The following SUCLG2 variants were observed in gnomAD, a reference collection of about 807,000 sequenced individuals.
The protein encoded by SUCLG2 is succinate--CoA ligase [GDP-forming] subunit beta, mitochondrial.
A neutral mutation model predicts 47.9 loss-of-function variants in SUCLG2; 42 were observed. The observed-to-expected ratio is 0.88, with a 90% confidence interval of 0.69 to 1.14. The LOEUF (loss-of-function observed/expected upper bound fraction) is 1.14. Among genes scored for constraint, SUCLG2 ranks in the 50% most tolerant of loss-of-function variants. The pLI, the probability that SUCLG2 is intolerant of heterozygous loss-of-function variation, is 0.00. For synonymous variants in SUCLG2, 195 were observed against 197.3 expected (o/e 0.99, Z 0.10); for missense variants, 571 against 525.9 (o/e 1.09, Z -0.84).
At chr3:67,396,082 A>C (rs1311650322) in intron 10 of SUCLG2, among the ~76,000 whole-genome samples, 1 of 152,130 alleles carries the variant, frequency 6.6e-6, no homozygotes, top group Non-Finnish European at 1.5e-5. Context: ...AAGATCCAAA[A>C]TTGACACCCT....
rs534786234 is a variant in SUCLG2, at chr3:67,605,520, G to A, written c.226+3935C>T. On this transcript the variant is annotated intron_variant, in intron 2 of 10. Coordinates refer to ENST00000307227, the MANE Select transcript of SUCLG2 (RefSeq NM_003848.4). ...TCTACCAAAACTACTCACTGAGTTC[G>A]GGAAGGATTACTCATTCATTCACCA... Among the ~76,000 whole-genome samples the A allele has an allele frequency of 4.6e-5, 7 of 152,168 alleles. No homozygotes were observed. In the East Asian group the frequency reaches 1.2e-3, roughly 25 times the overall value.
In SUCLG2 at chr3:67,620,520, G is replaced by T. The variant is rs192421247; in HGVS notation, c.85-10924C>A. Among the ~76,000 whole-genome samples, 312 of 146,484 alleles carry T rather than the reference G, an allele frequency of 2.1e-3. 7 individuals carry two copies. The highest frequency in any genetic ancestry group is 0.018 in the Admixed American group (257 of 14,598). ...GAACAGCTTGAACGCAGGAGGCAGA[G>T]GTTGCAGTGAAACGAGAATGCACCA... On this transcript the variant is annotated intron_variant, in intron 1 of 10. Transcript: ENST00000307227.
chr3:67,384,123 T>A (rs996419975), intron 10 of SUCLG2, among the ~76,000 whole-genome samples: 1 of 152,208 alleles, frequency 6.6e-6, no homozygotes, highest in African/African-American at 2.4e-5. Flanking sequence ...TGTCACTCAG[T>A]GTGATTCTGT....
At chr3:67,559,801 T>C (rs1326974993) in intron 2 of SUCLG2, among the ~76,000 whole-genome samples, 1 of 152,028 alleles carries the variant, frequency 6.6e-6, no homozygotes, top group Non-Finnish European at 1.5e-5. Flanking sequence ...TAAGGACAAA[T>C]ATATATAATT....
chr3:67,607,729 G>A (rs143815672), intron 2 of SUCLG2, among the ~76,000 whole-genome samples: 1 of 152,148 alleles, frequency 6.6e-6, no homozygotes, highest in Non-Finnish European at 1.5e-5. Context: ...TGGGGCCAGG[G>A]GGAGATAACT....
At chr3:67,573,960 C>T (rs938257821) in intron 2 of SUCLG2, among the ~76,000 whole-genome samples, 1 of 152,138 alleles carries the variant, frequency 6.6e-6, no homozygotes, top group African/African-American at 2.4e-5. Context: ...TGTGTCATTG[C>T]TCATTCAGGT....
chr3:67,588,227 T>C (rs1708074566), intron 2 of SUCLG2, among the ~76,000 whole-genome samples: 1 of 152,218 alleles, frequency 6.6e-6, no homozygotes, highest in South Asian at 2.1e-4. Context: ...AAATAAGAAC[T>C]AAAATTGGTC....
rs921094667 is a variant in SUCLG2 at position 67,529,286 on chromosome 3, T to C, written c.227-100A>G. ...TAATGGCACATAACTTCCAAGTAAC[T>C]GGTAAAAGCTCTCTCAAACTAACTT... On this transcript the variant is annotated intron_variant, in intron 2 of 10. Coordinates refer to ENST00000307227, the MANE Select transcript of SUCLG2 (RefSeq NM_003848.4). 3.6e-6 allele frequency: 3 copies of C among 823,026 alleles called. No individual in the cohort carries two copies. In the African/African-American group the frequency reaches 5.2e-5, roughly 14 times the overall value. The allele number at this position is 823,026 out of a possible 1,614,324, so 51.0% of individuals were successfully genotyped here.
At chr3:67,600,922 G>T (rs941550186) in intron 2 of SUCLG2, among the ~76,000 whole-genome samples, 2 of 152,158 alleles carry the variant, frequency 1.3e-5, no homozygotes, top group African/African-American at 4.8e-5. Context: ...ACTTCTTCTT[G>T]CACCAGGCTA....
chr3:67,607,042 G>A lies in SUCLG2; in HGVS notation c.226+2413C>T, dbSNP rs147681422. On this transcript the variant is annotated intron_variant, in intron 2 of 10. Transcript: ENST00000307227. ...ATAGAAAATTAGAATATTGAAATAT[G>A]GAGAGTGCTTCTATCCTAAACTCTC... 6.3e-3 allele frequency among the ~76,000 whole-genome samples: 964 copies of A among 152,284 alleles called. 9 individuals are homozygous for A. Among genetic ancestry groups the A allele is most frequent in the African/African-American group, 0.021 (888 of 41,566 alleles).
At chr3:67,480,328 C>T (rs67707268) in intron 9 of SUCLG2, among the ~76,000 whole-genome samples, 12,492 of 152,222 alleles carry the variant, frequency 0.082, 717 homozygotes, top group East Asian at 0.29. Flanking sequence ...CAAGCAAACA[C>T]GAGAATCATC....
chr3:67,518,093 A>G (rs548676873), intron 6 of SUCLG2, among the ~76,000 whole-genome samples, 154 bp downstream of exon 6: 9 of 152,362 alleles, frequency 5.9e-5, no homozygotes, highest in East Asian at 3.9e-4. Flanking sequence ...CATCAGGGAA[A>G]TATTTTTCTT....
At chr3:67,443,940 A>G (rs1264324344) in intron 9 of SUCLG2, among the ~76,000 whole-genome samples, 1 of 84,002 alleles carries the variant, frequency 1.2e-5, no homozygotes, top group Non-Finnish European at 2.6e-5. Flanking sequence ...CCCGGCAGCC[A>G]CCCCGTCCGG....
intron 9 of SUCLG2, among the ~76,000 whole-genome samples, chr3:67,460,068 T>C (rs1023977878): frequency 6.6e-6 from 1 of 152,160 alleles, no homozygotes; most frequent in Non-Finnish European, 1.5e-5. Context: ...GGTGGAACAA[T>C]ATCATAGAAT....
intron 9 of SUCLG2, among the ~76,000 whole-genome samples, chr3:67,413,666 G>A (rs532069100): frequency 2.0e-5 from 3 of 152,270 alleles, no homozygotes; most frequent in South Asian, 2.1e-4. Context: ...AAAACCATGC[G>A]GAAGGAAACT....
intron 6 of SUCLG2, chr3:67,514,267 A>C (rs1163370151): frequency 2.3e-6 from 1 of 427,980 alleles, no homozygotes; most frequent in African/African-American, 2.1e-5. Context: ...CAGGAATAGG[A>C]AAGAAAAACT....
intron 9 of SUCLG2, among the ~76,000 whole-genome samples, chr3:67,474,367 G>A (rs182986384): frequency 9.9e-5 from 15 of 152,204 alleles, no homozygotes; most frequent in Admixed American, 9.2e-4. Context: ...ATAAAATGCC[G>A]CAAAATAATG....
chr3:67,607,168 G>A (rs6796133), intron 2 of SUCLG2, among the ~76,000 whole-genome samples: 74,161 of 151,898 alleles, frequency 0.49, 19,027 homozygotes, highest in African/African-American at 0.64. Flanking sequence ...GGATGCACAT[G>A]CAAATCCTTC....
intron 4 of SUCLG2, among the ~76,000 whole-genome samples, chr3:67,524,561 A>AAACAAAT (rs1706203943): frequency 6.6e-6 from 1 of 152,208 alleles, no homozygotes; most frequent in Non-Finnish European, 1.5e-5. Flanking sequence ...CAGACTTAGA[A>AAACAAAT]AACAAATATC....
Sources: gnomAD v4.1 joint callset for allele counts (sites outside exome capture counted in the v4.1 genomes callset) on GRCh38, gnomAD v4.1.1 for gene constraint, MANE v1.5 for transcripts, NCBI Gene and HGNC (gene_info 2026-07-23, HGNC 2026-07-21) for gene names.